Variants in LRP1B observed in about 807,000 individuals in gnomAD.
The protein encoded by LRP1B is LDL receptor related protein 1B.
LRP1B carries 217 observed loss-of-function variants against 556.6 expected under a neutral mutation model. The observed-to-expected ratio is 0.39, with a 90% CI of 0.35 to 0.44. The LOEUF (loss-of-function observed/expected upper bound fraction) is 0.44, where lower values mean the gene tolerates loss of function less well. Among genes scored for constraint, LRP1B ranks in the 20% least tolerant of loss-of-function variants. The pLI is 1.00. For missense variants in LRP1B, 5,053 were observed against 5,620.8 expected, an observed-to-expected ratio of 0.90 and a Z score of 3.23; for synonymous variants, 2,047 against 1,865.8, an observed-to-expected ratio of 1.10 and a Z score of -2.50.
At chr2:140,595,169 G>C (rs1192987500) in intron 43 of LRP1B, among the ~76,000 whole-genome samples, 1 of 134,326 alleles carries the variant, frequency 7.4e-6, no homozygotes, top group Non-Finnish European at 1.6e-5. Context: ...ATAAAATAAG[G>C]AGTAGAAAAA....
intron 7 of LRP1B, among the ~76,000 whole-genome samples, chr2:141,183,118 C>T (rs949499211): frequency 9.9e-5 from 15 of 151,874 alleles, no homozygotes; most frequent in Non-Finnish European, 1.6e-4. Flanking sequence ...TTAATTTGTC[C>T]AAACATAGTC....
At chr2:140,514,073 T>A (rs1040301677) in intron 51 of LRP1B, among the ~76,000 whole-genome samples, 3 of 152,016 alleles carry the variant, frequency 2.0e-5, no homozygotes, top group Non-Finnish European at 4.4e-5. Context: ...GCAATCATAC[T>A]GGGCTTGTAG....
chr2:141,012,207 A>T lies in LRP1B; in HGVS notation c.2380+1349T>A, dbSNP rs1159672040. Among the ~76,000 whole-genome samples, 4 of 152,124 alleles carry T rather than the reference A, an allele frequency of 2.6e-5. No homozygotes were observed. The East Asian group carries it at 5.8e-4, about 22-fold the overall frequency. On this transcript the variant is annotated intron_variant, in intron 14 of 90. Transcript: ENST00000389484. The stretch of plus-strand genomic sequence containing the variant: ...CACTAAAGCAACTGGAAGCTTAAAA[A>T]CTCTGAAGATGGTAAAAATGTTATG...
chr2:141,727,834 T>C (rs988990966), intron 2 of LRP1B, among the ~76,000 whole-genome samples: 2 of 152,030 alleles, frequency 1.3e-5, no homozygotes, highest in African/African-American at 4.8e-5. Context: ...TACACACACA[T>C]ATATATATCT....
chr2:140,474,637 A>G (rs1266004210), intron 60 of LRP1B, among the ~76,000 whole-genome samples: 2 of 151,974 alleles, frequency 1.3e-5, no homozygotes, highest in Non-Finnish European at 2.9e-5. Flanking sequence ...TATACGTGAC[A>G]TCTTCTCTGT....
chr2:141,875,447 G>T (rs1698726510), intron 1 of LRP1B, among the ~76,000 whole-genome samples: 2 of 151,806 alleles, frequency 1.3e-5, no homozygotes, highest in Non-Finnish European at 2.9e-5. Context: ...AAATACAATT[G>T]ATACTGATGA....
intron 1 of LRP1B, among the ~76,000 whole-genome samples, chr2:142,105,731 T>G (rs1176205656): frequency 6.6e-6 from 1 of 152,182 alleles, no homozygotes; most frequent in African/African-American, 2.4e-5. Flanking sequence ...GTCTAGATTT[T>G]AAATTAATTC....
intron 1 of LRP1B, among the ~76,000 whole-genome samples, chr2:142,038,548 C>T (rs757773592): frequency 4.0e-5 from 6 of 151,552 alleles, no homozygotes; most frequent in Non-Finnish European, 8.9e-5. Flanking sequence ...TGTCACTTAA[C>T]AGAAACTGAC....
At chr2:141,930,075 G>A (rs1382585578) in intron 1 of LRP1B, among the ~76,000 whole-genome samples, 1 of 151,802 alleles carries the variant, frequency 6.6e-6, no homozygotes, top group Non-Finnish European at 1.5e-5. Flanking sequence ...GCCCAAAAGA[G>A]CTTTTCAAAG....
chr2:140,796,656 G>A (rs78412285), intron 32 of LRP1B, among the ~76,000 whole-genome samples: 4,160 of 152,138 alleles, frequency 0.027, 180 homozygotes, highest in African/African-American at 0.093. Flanking sequence ...TTAGGTAGAT[G>A]TATTTGAAGG....
chr2:140,287,824 T>A lies in LRP1B; in HGVS notation c.12967+9984A>T, dbSNP rs191925285. On this transcript the variant is annotated intron_variant, in intron 84 of 90. Coordinates refer to ENST00000389484, the MANE Select transcript of LRP1B (RefSeq NM_018557.3). ...TAGGTTATTTTCATATTATGGAGGATCTATATTGTGAAAAATTATTGTCTG... is the reference window on the plus strand; with the variant it reads ...TAGGTTATTTTCATATTATGGAGGAACTATATTGTGAAAAATTATTGTCTG... 2.4e-3 allele frequency among the ~76,000 whole-genome samples: 368 copies of A among 151,792 alleles called. 3 individuals carry two copies. Among genetic ancestry groups the A allele is most frequent in the African/African-American group, 8.0e-3 (333 of 41,502 alleles).
intron 83 of LRP1B, among the ~76,000 whole-genome samples, chr2:140,298,231 A>T (rs1286276930): frequency 6.6e-6 from 1 of 152,186 alleles, no homozygotes; most frequent in Non-Finnish European, 1.5e-5. Flanking sequence ...TTATACTTGC[A>T]TGCATATATT....
chr2:141,867,319 T>C (rs1457313303), intron 1 of LRP1B, among the ~76,000 whole-genome samples: 4 of 152,038 alleles, frequency 2.6e-5, no homozygotes, highest in African/African-American at 9.7e-5. Flanking sequence ...TAACTTCTAG[T>C]TTCAAAAAGC....
At chr2:141,006,624 T>G (rs1443952774) in intron 14 of LRP1B, among the ~76,000 whole-genome samples, 1 of 151,958 alleles carries the variant, frequency 6.6e-6, no homozygotes, top group African/African-American at 2.4e-5. Flanking sequence ...ACCTAAACTA[T>G]ACGGTGCTAA....
intron 3 of LRP1B, among the ~76,000 whole-genome samples, chr2:141,302,924 A>C (rs537624082): frequency 6.6e-6 from 1 of 152,078 alleles, no homozygotes; most frequent in South Asian, 2.1e-4. Context: ...TTTACCACTC[A>C]CTTTTTATTG....
chr2:140,718,361 T>C (rs76225670), intron 35 of LRP1B, among the ~76,000 whole-genome samples: 3,149 of 152,088 alleles, frequency 0.021, 111 homozygotes, highest in African/African-American at 0.073. Context: ...TCATATTTAA[T>C]CCATTACCAA....
chr2:140,262,715 G>A (rs1367716443), intron 86 of LRP1B, among the ~76,000 whole-genome samples: 2 of 152,082 alleles, frequency 1.3e-5, no homozygotes, highest in Non-Finnish European at 2.9e-5. Context: ...TCTAAAGGGG[G>A]GGAGTCCCTG....
intron 45 of LRP1B, among the ~76,000 whole-genome samples, chr2:140,538,688 G>A (rs148350806): frequency 1.5e-3 from 221 of 151,708 alleles, no homozygotes; most frequent in African/African-American, 4.6e-3. Flanking sequence ...AAAATAAAAG[G>A]GTGCTAATAT....
Position 141,467,765 on chromosome 2 carries a change from G to T in LRP1B, c.343+12631C>A, listed in dbSNP as rs562687809. ...AGGAGCAAATCATTTTAGGTGAAAT[G>T]CAGGCATAAATATTCCTGACAAAAA... On this transcript the variant is annotated intron_variant, in intron 3 of 90. Transcript: ENST00000389484. 4.9e-5 allele frequency among the ~76,000 whole-genome samples: 7 copies of T among 142,142 alleles called. No homozygotes were observed. The South Asian group carries it at 1.2e-3, about 24-fold the overall frequency. The allele number at this position is 142,142 out of a possible 152,430, so 93.3% of individuals were successfully genotyped here. A position where few individuals can be genotyped will look rare whatever the true frequency, so the allele number is the denominator to read the frequency against.
Sources: gnomAD v4.1 joint callset for allele counts (sites outside exome capture counted in the v4.1 genomes callset) on GRCh38, gnomAD v4.1.1 for gene constraint, MANE v1.5 for transcripts, NCBI Gene and HGNC (gene_info 2026-07-23, HGNC 2026-07-21) for gene names.